The following ALS2 variants were observed in gnomAD, a reference collection of about 807,000 sequenced individuals.
ALS2 encodes alsin Rho guanine nucleotide exchange factor ALS2, also known as alsin.
In ALS2, 117 loss-of-function variants were observed where a neutral mutation model predicts 203.4. The observed-to-expected ratio is 0.58, with a 90% CI of 0.50 to 0.67. The LOEUF (loss-of-function observed/expected upper bound fraction) is 0.67. Ranked by LOEUF, ALS2 falls within the 30% of genes least tolerant of loss-of-function variation. The pLI, the probability that ALS2 is intolerant of heterozygous loss-of-function variation, is 0.00. For synonymous variants in ALS2, 718 were observed against 725.9 expected (o/e 0.99, Z 0.17); for missense variants, 1,715 against 1,989.4 (o/e 0.86, Z 2.62).
chr2:201,712,469 AG>A (rs1464800159), intron 25 of ALS2, among the ~76,000 whole-genome samples: 1 of 152,238 alleles, frequency 6.6e-6, no homozygotes, highest in African/African-American at 2.4e-5. Context: ...AATTCCCTTT[AG>A]AAAGCAACTG....
At chr2:201,779,183 T>C (rs1429650696) in intron 1 of ALS2, among the ~76,000 whole-genome samples, 1 of 152,156 alleles carries the variant, frequency 6.6e-6, no homozygotes, top group Non-Finnish European at 1.5e-5. Context: ...AACTGAAATT[T>C]GGAGAGAAGG....
At chr2:201,765,578 T>C (rs997655840) in intron 3 of ALS2, 8 of 167,070 alleles carry the variant, frequency 4.8e-5, no homozygotes, top group Non-Finnish European at 8.8e-5. Context: ...AATCCTTGTT[T>C]CCTAGAATTT....
rs1304099252 is a variant in ALS2 at position 201,743,446 on chromosome 2, G to A, written c.2170+812C>T. Among the ~76,000 whole-genome samples, 3 of 152,074 alleles carry A rather than the reference G, an allele frequency of 2.0e-5. No homozygotes were observed. In the East Asian group the frequency reaches 5.8e-4, roughly 29 times the overall value. ...CCTCTTTGTAGCTGGGCATAGCTAA[G>A]AAAAAGAATCAGATTTAATCAACTC... On this transcript the variant is annotated intron_variant, in intron 10 of 33. Transcript: ENST00000264276.
chr2:201,731,028 C>G (rs908228459), intron 13 of ALS2, among the ~76,000 whole-genome samples: 1 of 152,296 alleles, frequency 6.6e-6, no homozygotes, highest in African/African-American at 2.4e-5. Flanking sequence ...GGTCTGCAAA[C>G]CAAGTTTTGA....
chr2:201,771,651 G>A (rs768910571), intron 1 of ALS2, among the ~76,000 whole-genome samples: 1 of 152,100 alleles, frequency 6.6e-6, no homozygotes, highest in Non-Finnish European at 1.5e-5. Context: ...TTTTATGATT[G>A]TCTCTCCAGG....
In ALS2 at chr2:201,737,672, G is replaced by A. The variant is rs183847683; in HGVS notation, c.2417+998C>T. The stretch of plus-strand genomic sequence containing the variant: ...CATGGTGGCTCACGCCTGTAATCCC[G>A]GCACTTTTGGAGGCCGAGGTGGGTG... On this transcript the variant is annotated intron_variant, in intron 12 of 33. Transcript: ENST00000264276. Among the ~76,000 whole-genome samples the A allele has an allele frequency of 8.9e-4, 135 of 152,162 alleles. 2 individuals carry two copies. Among genetic ancestry groups the A allele is most frequent in the African/African-American group, 2.8e-3 (117 of 41,524 alleles).
chr2:201,757,601 A>G lies in ALS2; in HGVS notation c.1272T>C (p.Phe424=). The G allele has an allele frequency of 6.2e-6, 10 of 1,614,154 alleles. No individual in the cohort carries two copies. Among genetic ancestry groups the G allele is most frequent in the Non-Finnish European group, 8.5e-6 (10 of 1,180,022 alleles). Reference sequence around the variant, plus strand: ...CAGTTTCACAAGGGGTTGTACTATAAAAGTTCATAACTTTCTTCAGTGACA... The same window carrying G: ...CAGTTTCACAAGGGGTTGTACTATAGAAGTTCATAACTTTCTTCAGTGACA... ...GALSLKKVMN[F]YSTTPCETGA... Residue 424 remains phenylalanine, a synonymous_variant, in exon 5 of 34, where the codon TTT becomes TTC. Transcript: ENST00000264276.
chr2:201,723,163 A>G (rs1690920362), intron 22 of ALS2, 43 bp from the exon 23 acceptor site: 1 of 1,535,190 alleles, frequency 6.5e-7, no homozygotes, highest in African/African-American at 1.4e-5. Flanking sequence ...CATAAAATAC[A>G]GAGTAACTTA....
chr2:201,721,960 G>A (rs1312618885), intron 23 of ALS2: 2 of 152,272 alleles, frequency 1.3e-5, no homozygotes, highest in East Asian at 1.9e-4. Flanking sequence ...AACAGGCAAA[G>A]ACTTCTTAGA....
At chr2:201,769,006 A>C in intron 1 of ALS2, 61 bp from the exon 2 acceptor site, 1 of 811,288 alleles carries the variant, frequency 1.2e-6, no homozygotes. Flanking sequence ...AGACATTAAA[A>C]AAAAAAAAAG....
rs763385136 is a variant in ALS2, at chr2:201,726,918, T to C, written c.2980-52A>G. ...GTTTAAGGCAACAATTCATCAAGCATTGCTTTAAATCCTGCTAGTTTTCTT... is the reference window on the plus strand; with the variant it reads ...GTTTAAGGCAACAATTCATCAAGCACTGCTTTAAATCCTGCTAGTTTTCTT... On this transcript the variant is annotated intron_variant, in intron 17 of 33. Coordinates refer to ENST00000264276, the MANE Select transcript of ALS2 (RefSeq NM_020919.4). The C allele has an allele frequency of 3.0e-5, 45 of 1,479,636 alleles. No individual in the cohort carries two copies. In the East Asian group the frequency reaches 3.5e-4, roughly 11 times the overall value. 91.7% of individuals were successfully genotyped at this position (1,479,636 alleles called of 1,614,324 possible).
At chr2:201,739,804 T>C (rs141401394) in intron 11 of ALS2, among the ~76,000 whole-genome samples, 43 of 152,000 alleles carry the variant, frequency 2.8e-4, no homozygotes, top group African/African-American at 9.6e-4. Flanking sequence ...TAAAAGTGCT[T>C]GAGTCAGTGT....
chr2:201,754,773 T>C (rs1339188999), intron 5 of ALS2, 102 bp from the exon 6 acceptor site: 1 of 1,293,932 alleles, frequency 7.7e-7, no homozygotes. Context: ...ACGCCACCAA[T>C]GGTATTTTTG....
intron 11 of ALS2, 127 bp downstream of exon 11, chr2:201,741,547 A>G (rs1692269311): frequency 9.6e-7 from 1 of 1,036,622 alleles, no homozygotes; most frequent in Non-Finnish European, 1.5e-6. Context: ...TAAGATTAAA[A>G]TACTGCTTTG....
At position 201,767,707 on chromosome 2, in the gene ALS2, A is replaced by C. The variant is rs199995737; in HGVS notation, c.21-324T>G. The stretch of plus-strand genomic sequence containing the variant: ...AAACCCTGTTTCTACTAAAAATACA[A>C]AAAAAAAAAAATCAGCCGGGCATGG... On this transcript the variant is annotated intron_variant, in intron 2 of 33. Coordinates refer to ENST00000264276, the MANE Select transcript of ALS2 (RefSeq NM_020919.4). Among the ~76,000 whole-genome samples, 47 of 137,894 alleles carry C rather than the reference A, an allele frequency of 3.4e-4. No homozygotes were observed. In the East Asian group the frequency reaches 8.5e-3, roughly 25 times the overall value. 90.5% of individuals were successfully genotyped at this position (137,894 alleles called of 152,430 possible).
At position 201,726,731 on chromosome 2, in the gene ALS2, A is replaced by C; in HGVS notation, c.3115T>G (p.Tyr1039Asp). The change falls in exon 18 of 34, where the codon TAC (tyrosine) becomes GAC (aspartate). Residue 1039 changes from tyrosine (Y) to aspartate (D), a missense_variant. This residue lies in a region of ALS2 where 1,227 missense variants were observed against 1,413.5 expected (regional missense o/e 0.87). Transcript: ENST00000264276. ...GCATCCTTTAGGCGAGGATCCTTGTAGAAAGTATATTTGGCACTGCGTGAA... is the reference window on the plus strand; with the variant it reads ...GCATCCTTTAGGCGAGGATCCTTGTCGAAAGTATATTTGGCACTGCGTGAA... ...PISRSAKYTF[Y>D]KDPRLKDATY... 6.2e-7 allele frequency: 1 copy of C among 1,614,174 alleles called. No homozygotes were observed. Among genetic ancestry groups the C allele is most frequent in the Non-Finnish European group, 8.5e-7 (1 of 1,180,022 alleles).
intron 11 of ALS2, among the ~76,000 whole-genome samples, chr2:201,740,044 G>GTGATTATTT (rs1692166571): frequency 6.6e-6 from 1 of 152,054 alleles, no homozygotes; most frequent in Non-Finnish European, 1.5e-5. Flanking sequence ...AATAATTTTC[G>GTGATTATTT]CCAGGCACAG....
At chr2:201,722,979 A>G (rs552335363) in intron 23 of ALS2, 64 bp downstream of exon 23, 47 of 1,298,992 alleles carry the variant, frequency 3.6e-5, no homozygotes, top group Admixed American at 2.6e-4. Context: ...AGCTATTTTT[A>G]AAGTAAAAAA....
intron 10 of ALS2, among the ~76,000 whole-genome samples, chr2:201,743,988 T>G (rs1413545065): frequency 2.6e-5 from 4 of 152,234 alleles, no homozygotes; most frequent in Admixed American, 6.5e-5. Context: ...AAGTTGTTTT[T>G]GTTCCTCTGC....
Sources: gnomAD v4.1 joint callset for allele counts (sites outside exome capture counted in the v4.1 genomes callset) on GRCh38, gnomAD v4.1.1 for gene constraint, gnomAD v4.1.1 regional missense constraint, MANE v1.5 for transcripts, NCBI Gene and HGNC (gene_info 2026-07-23, HGNC 2026-07-21) for gene names.